Variants in GRAP2 observed in about 807,000 individuals in gnomAD.
GRAP2 encodes the protein GRB2-related adapter protein 2.
Under a neutral mutation model 43.5 loss-of-function variants are expected in GRAP2, and 31 were observed. The ratio of observed to expected loss-of-function variants is 0.71; its 90% CI spans 0.54 to 0.96. The LOEUF is 0.96. GRAP2 is among the 40% of genes least tolerant of loss of function. GRAP2 has a pLI of 0.00. For synonymous variants in GRAP2, 156 were observed against 164.8 expected (o/e 0.95, Z 0.41); for missense variants, 371 against 424.4 (o/e 0.87, Z 1.11).
chr22:39,953,550 G>C (rs926906769), intron 2 of GRAP2, among the ~76,000 whole-genome samples: 1 of 152,042 alleles, frequency 6.6e-6, no homozygotes, highest in East Asian at 1.9e-4. Flanking sequence ...TTTTTCTGCC[G>C]ACTTTAGCCT....
chr22:39,958,463 G>A (rs758427726), intron 3 of GRAP2, among the ~76,000 whole-genome samples: 5 of 152,278 alleles, frequency 3.3e-5, no homozygotes, highest in Non-Finnish European at 7.3e-5. Flanking sequence ...CTGAGGGCAG[G>A]GGTGTGTGTC....
At chr22:39,959,555 C>T (rs1158807196) in intron 3 of GRAP2, among the ~76,000 whole-genome samples, 1 of 152,168 alleles carries the variant, frequency 6.6e-6, no homozygotes, top group African/African-American at 2.4e-5. Flanking sequence ...CTGTAACTTT[C>T]CTTTAATACC....
chr22:39,902,859 A>C (rs1416661354), intron 1 of GRAP2, among the ~76,000 whole-genome samples: 2 of 152,244 alleles, frequency 1.3e-5, no homozygotes, highest in Non-Finnish European at 2.9e-5. Flanking sequence ...AAAAGGCTCT[A>C]TAAAAATGCA....
intron 1 of GRAP2, among the ~76,000 whole-genome samples, chr22:39,909,505 T>C (rs1309303612): frequency 6.6e-6 from 1 of 152,246 alleles, no homozygotes; most frequent in African/African-American, 2.4e-5. Context: ...CTTCGTCTTG[T>C]AGATGCTGTA....
intron 1 of GRAP2, among the ~76,000 whole-genome samples, chr22:39,928,936 A>G (rs2066730517): frequency 6.6e-6 from 1 of 152,236 alleles, no homozygotes; most frequent in African/African-American, 2.4e-5. Flanking sequence ...GGTCATAAGA[A>G]GGTAATTTTT....
chr22:39,930,175 A>G (rs982297319), intron 1 of GRAP2, among the ~76,000 whole-genome samples: 4 of 152,260 alleles, frequency 2.6e-5, no homozygotes, highest in Non-Finnish European at 4.4e-5. Context: ...TTAAAATGGC[A>G]TAATGGCTGG....
chr22:39,916,736 G>T (rs1470629972), intron 1 of GRAP2, among the ~76,000 whole-genome samples: 2 of 152,218 alleles, frequency 1.3e-5, no homozygotes, highest in African/African-American at 2.4e-5. Context: ...TTCTTGTGCA[G>T]AGTGCGGGGC....
At chr22:39,932,508 C>G (rs1325842638) in intron 1 of GRAP2, among the ~76,000 whole-genome samples, 1 of 119,034 alleles carries the variant, frequency 8.4e-6, no homozygotes, top group Non-Finnish European at 1.6e-5. Context: ...GCCAGGAGTT[C>G]AAGATCAGCC....
At chr22:39,924,588 GCTA>G (rs1186977313) in intron 1 of GRAP2, among the ~76,000 whole-genome samples, 1 of 152,118 alleles carries the variant, frequency 6.6e-6, no homozygotes, top group African/African-American at 2.4e-5. Context: ...TGCAATCCTA[GCTA>G]CTCGGGAGGC....
At chr22:39,935,043 A>C (rs1233918209) in intron 1 of GRAP2, among the ~76,000 whole-genome samples, 2 of 152,184 alleles carry the variant, frequency 1.3e-5, no homozygotes, top group African/African-American at 4.8e-5. Flanking sequence ...AAAAATATTG[A>C]ATAACTGACA....
At chr22:39,926,586 T>C in intron 1 of GRAP2, 1 of 981,522 alleles carries the variant, frequency 1.0e-6, no homozygotes, top group African/African-American at 1.8e-5. Context: ...TAGCTGGGGG[T>C]GGGGAAAAGT....
At chr22:39,907,067 T>C (rs182656329) in intron 1 of GRAP2, among the ~76,000 whole-genome samples, 1 of 152,198 alleles carries the variant, frequency 6.6e-6, no homozygotes, top group African/African-American at 2.4e-5. Flanking sequence ...AAAATATAGA[T>C]CATTAAATCG....
chr22:39,937,643 A>C (rs2066819595), intron 1 of GRAP2, among the ~76,000 whole-genome samples: 1 of 152,216 alleles, frequency 6.6e-6, no homozygotes, highest in African/African-American at 2.4e-5. Context: ...CATTGGAACC[A>C]AGTATTCTAC....
Position 39,955,850 on chromosome 22 carries a change from C to A in GRAP2, c.110C>A (p.Ala37Glu). Residue 37 changes from alanine (A) to glutamate (E), a missense_variant, in exon 3 of 8, where the codon GCG becomes GAG. By Grantham distance (107) the Ala-to-Glu change is moderately radical. Coordinates refer to ENST00000344138, the MANE Select transcript of GRAP2 (RefSeq NM_004810.4). ...AGTAACCAAGAGGAGTGGTTTAAGG[C>A]GGAGCTTGGGAGCCAGGAAGGATAT... ...ILSNQEEWFKAELGSQEGYVP... is the reference protein window; with the variant it reads ...ILSNQEEWFKEELGSQEGYVP... 1.3e-6 allele frequency: 2 copies of A among 1,587,786 alleles called. No individual in the cohort carries two copies. The highest frequency in any genetic ancestry group is 1.7e-6 in the Non-Finnish European group (2 of 1,156,022).
At chr22:39,919,506 A>G (rs553951356) in intron 1 of GRAP2, among the ~76,000 whole-genome samples, 1 of 152,216 alleles carries the variant, frequency 6.6e-6, no homozygotes, top group African/African-American at 2.4e-5. Flanking sequence ...TCAATTCTTC[A>G]TGCCATTTCC....
chr22:39,941,625 G>T (rs1159372355), intron 1 of GRAP2, among the ~76,000 whole-genome samples: 1 of 152,118 alleles, frequency 6.6e-6, no homozygotes, highest in Non-Finnish European at 1.5e-5. Flanking sequence ...ATGTAAAAAT[G>T]CTATGAAATT....
intron 1 of GRAP2, among the ~76,000 whole-genome samples, chr22:39,944,899 A>G (rs1489043098): frequency 1.3e-5 from 2 of 152,218 alleles, no homozygotes; most frequent in African/African-American, 2.4e-5. Flanking sequence ...GTGAATTTGC[A>G]TACAAATGGG....
intron 4 of GRAP2, chr22:39,964,341 A>C (rs1135963): frequency 2.6e-4 from 184 of 703,298 alleles, no homozygotes; most frequent in Admixed American, 1.2e-3. Flanking sequence ...GTTATCGTCC[A>C]GTGGCAGGGT....
chr22:39,913,332 T>C (rs1205248432), intron 1 of GRAP2, among the ~76,000 whole-genome samples: 1 of 151,930 alleles, frequency 6.6e-6, no homozygotes, highest in African/African-American at 2.4e-5. Flanking sequence ...CCAGGTATGA[T>C]CTCAAAATCG....
Sources: gnomAD v4.1 joint callset for allele counts (sites outside exome capture counted in the v4.1 genomes callset) on GRCh38, gnomAD v4.1.1 for gene constraint, MANE v1.5 for transcripts, NCBI Gene and HGNC (gene_info 2026-07-23, HGNC 2026-07-21) for gene names.